MTCL2: variants seen among roughly 807,000 people sequenced by gnomAD.
MTCL2 encodes microtubule crosslinking factor 2.
At chr20:36,856,211 T>C in the MTCL2 span, among the ~76,000 whole-genome samples, 1 of 152,200 alleles carries the variant, frequency 6.6e-6, no homozygotes, top group South Asian at 2.1e-4. Context: ...CCCTACAACA[T>C]GGCAGGCACT....
the MTCL2 span, among the ~76,000 whole-genome samples, chr20:36,821,463 G>A: frequency 2.0e-5 from 3 of 151,722 alleles, no homozygotes; most frequent in Admixed American, 6.6e-5. Context: ...AGGAGGCAGA[G>A]GTTGCAGTGA....
the MTCL2 span, among the ~76,000 whole-genome samples, chr20:36,834,957 T>C: frequency 6.6e-6 from 1 of 151,554 alleles, no homozygotes. Context: ...ATCACACCAC[T>C]GCACTCCAGC....
chr20:36,843,094 C>T, the MTCL2 span, among the ~76,000 whole-genome samples: 1 of 152,206 alleles, frequency 6.6e-6, no homozygotes, highest in Non-Finnish European at 1.5e-5. Flanking sequence ...TGGCTTCTGT[C>T]CGAGCACCCC....
At chr20:36,808,753 G>A in the MTCL2 span, 5 of 1,569,022 alleles carry the variant, frequency 3.2e-6, no homozygotes, top group African/African-American at 2.7e-5. Flanking sequence ...GCTGCCGGGG[G>A]ACAAGAGCTT....
the MTCL2 span, among the ~76,000 whole-genome samples, chr20:36,850,549 AG>A: frequency 6.6e-6 from 1 of 152,094 alleles, no homozygotes; most frequent in Non-Finnish European, 1.5e-5. Flanking sequence ...GAAAAAAAAA[AG>A]CCACCTCCAC....
chr20:36,785,608 G>A, the MTCL2 span: 1 of 985,328 alleles, frequency 1.0e-6, no homozygotes, highest in Non-Finnish European at 1.2e-6. Context: ...TGCCTCTCAG[G>A]GTGCCAGGGA....
chr20:36,853,170 G>C, the MTCL2 span, among the ~76,000 whole-genome samples: 1 of 152,014 alleles, frequency 6.6e-6, no homozygotes, highest in Non-Finnish European at 1.5e-5. Flanking sequence ...TGGCCCTGGA[G>C]ACTCACCACG....
At chr20:36,835,214 G>A in the MTCL2 span, among the ~76,000 whole-genome samples, 5 of 152,134 alleles carry the variant, frequency 3.3e-5, no homozygotes, top group South Asian at 2.1e-4. Context: ...TCTCCGCCCC[G>A]TGACCTTGCC....
the MTCL2 span, among the ~76,000 whole-genome samples, chr20:36,821,458 G>A: frequency 6.6e-6 from 1 of 151,794 alleles, no homozygotes; most frequent in African/African-American, 2.4e-5. Flanking sequence ...AACCCAGGAG[G>A]CAGAGGTTGC....
At chr20:36,841,923 A>G in the MTCL2 span, among the ~76,000 whole-genome samples, 1 of 122,680 alleles carries the variant, frequency 8.2e-6, no homozygotes, top group Non-Finnish European at 1.7e-5. Flanking sequence ...GTGTGTATAC[A>G]GGGTTTTGCC....
the MTCL2 span, chr20:36,793,130 C>G: frequency 7.9e-7 from 1 of 1,263,788 alleles, no homozygotes; most frequent in Non-Finnish European, 1.1e-6. This position sits in a 1 kb window ranked among gnomAD's most constrained non-coding sequence, Gnocchi z 6.8. Flanking sequence ...GTCTTGAACT[C>G]CTGATCTCAG....
At chr20:36,810,585 C>G in the MTCL2 span, among the ~76,000 whole-genome samples, 1 of 151,956 alleles carries the variant, frequency 6.6e-6, no homozygotes, top group African/African-American at 2.4e-5. Flanking sequence ...AAAACAAAAC[C>G]AAAAACGCTA....
chr20:36,788,623 G>A, the MTCL2 span, among the ~76,000 whole-genome samples: 2 of 152,148 alleles, frequency 1.3e-5, no homozygotes, highest in Non-Finnish European at 2.9e-5. Context: ...AGGCAACAGA[G>A]CGAGACTCCG....
chr20:36,841,102 G>C, the MTCL2 span, among the ~76,000 whole-genome samples: 1 of 131,534 alleles, frequency 7.6e-6, no homozygotes. Context: ...TTGAGGTCAG[G>C]AGTTTGAGAC....
the MTCL2 span, among the ~76,000 whole-genome samples, chr20:36,789,979 A>G: frequency 2.8e-5 from 4 of 143,762 alleles, no homozygotes; most frequent in Admixed American, 2.1e-4. Flanking sequence ...ATGCCCAGCT[A>G]ATTTTTGTAT....
the MTCL2 span, chr20:36,815,339 G>A: frequency 2.5e-6 from 4 of 1,613,768 alleles, no homozygotes; most frequent in East Asian, 4.5e-5. The surrounding 1 kb of genome is among the most constrained non-coding windows in gnomAD (Gnocchi z 5.3). Flanking sequence ...TGGGGCCCTC[G>A]CTGTTGTCGG....
At chr20:36,779,501 GC>G in the MTCL2 span, 1 of 152,532 alleles carries the variant, frequency 6.6e-6, no homozygotes, top group Non-Finnish European at 1.5e-5. Flanking sequence ...CTGGCAGGCT[GC>G]TTACAGAGAA....
the MTCL2 span, among the ~76,000 whole-genome samples, chr20:36,812,182 C>T: frequency 6.6e-6 from 1 of 152,002 alleles, no homozygotes; most frequent in Non-Finnish European, 1.5e-5. Context: ...TCATAATCAT[C>T]CTCCTCCTCC....
At chr20:36,854,091 A>G in the MTCL2 span, among the ~76,000 whole-genome samples, 1 of 152,140 alleles carries the variant, frequency 6.6e-6, no homozygotes, top group East Asian at 1.9e-4. Context: ...AAGCTCCAGG[A>G]CACCCCAGCA....
Sources: gnomAD v4.1 joint callset for allele counts (sites outside exome capture counted in the v4.1 genomes callset) on GRCh38, gnomAD v4.1.1 for gene constraint, Gnocchi (gnomAD v3.1) non-coding constraint, MANE v1.5 for transcripts, NCBI Gene and HGNC (gene_info 2026-07-23, HGNC 2026-07-21) for gene names.